Variants in FSTL4 observed in about 807,000 individuals in gnomAD.
FSTL4 encodes the protein follistatin like 4, also known as follistatin-related protein 4.
A neutral mutation model predicts 78.2 loss-of-function variants in FSTL4; 28 were observed. The observed-to-expected ratio is 0.36, with a 90% CI of 0.27 to 0.49. FSTL4 has a LOEUF of 0.49. FSTL4 is among the 20% of genes least tolerant of loss of function. The pLI is 0.98. For missense variants in FSTL4, 922 were observed against 1,084.9 expected, an observed-to-expected ratio of 0.85 and a Z score of 2.11; for synonymous variants, 422 against 440.5, an observed-to-expected ratio of 0.96 and a Z score of 0.53.
At chr5:133,514,270 A>T (rs1758808433) in intron 3 of FSTL4, among the ~76,000 whole-genome samples, 1 of 151,510 alleles carries the variant, frequency 6.6e-6, no homozygotes, top group Admixed American at 6.6e-5. Flanking sequence ...GAGAAGAGGA[A>T]CAGATGAAGA....
intron 6 of FSTL4, among the ~76,000 whole-genome samples, chr5:133,288,325 G>T (rs1174768703): frequency 6.6e-6 from 1 of 152,128 alleles, no homozygotes; most frequent in African/African-American, 2.4e-5. Flanking sequence ...CCTCTGTCCC[G>T]GGGGTCCCCC....
chr5:133,419,868 T>C (rs557776891), intron 3 of FSTL4, among the ~76,000 whole-genome samples: 1 of 152,360 alleles, frequency 6.6e-6, no homozygotes, highest in Admixed American at 6.5e-5. Context: ...CTGATGATCT[T>C]GAACATCTTT....
At chr5:133,756,811 G>T in the FSTL4 span, among the ~76,000 whole-genome samples, 2 of 152,070 alleles carry the variant, frequency 1.3e-5, no homozygotes, top group Non-Finnish European at 2.9e-5. Flanking sequence ...CACCATCCCT[G>T]GGGGGTTGTA....
At chr5:133,231,219 C>G (rs1448555052) in intron 8 of FSTL4, among the ~76,000 whole-genome samples, 1 of 151,920 alleles carries the variant, frequency 6.6e-6, no homozygotes, top group African/African-American at 2.4e-5. Flanking sequence ...CAGTTTCTCT[C>G]TCAACTATGC....
chr5:133,467,852 T>C (rs893282528), intron 3 of FSTL4, among the ~76,000 whole-genome samples: 2 of 152,212 alleles, frequency 1.3e-5, no homozygotes, highest in African/African-American at 4.8e-5. Context: ...CTAAAATGTT[T>C]CTTATACATT....
At chr5:133,570,115 T>C (rs1483772744) in intron 2 of FSTL4, among the ~76,000 whole-genome samples, 1 of 150,722 alleles carries the variant, frequency 6.6e-6, no homozygotes, top group Non-Finnish European at 1.5e-5. Flanking sequence ...AGTCTGAGGC[T>C]GGAGAATGGA....
chr5:133,204,820 G>A lies in FSTL4; in HGVS notation c.1717-2778C>T, dbSNP rs530517091. ...CACTGCACTCCAGCCTGGGTGCAGA[G>A]TGAGATTCTGTCTCAAAAAAAAAAA... On this transcript the variant is annotated intron_variant, in intron 14 of 15. Coordinates refer to ENST00000265342, the MANE Select transcript of FSTL4 (RefSeq NM_015082.2). Among the ~76,000 whole-genome samples the A allele has an allele frequency of 6.4e-5, 9 of 139,806 alleles. No individual in the cohort carries two copies. The South Asian group carries it at 2.2e-3, about 34-fold the overall frequency. 91.7% of individuals were successfully genotyped at this position (139,806 alleles called of 152,430 possible).
intron 4 of FSTL4, among the ~76,000 whole-genome samples, chr5:133,388,268 T>C (rs1755752839): frequency 6.6e-6 from 1 of 152,190 alleles, no homozygotes. Flanking sequence ...CAGCCAAGAG[T>C]ACACGGATGG....
chr5:133,414,950 G>GA (rs1438092883), intron 3 of FSTL4, among the ~76,000 whole-genome samples: 3 of 152,168 alleles, frequency 2.0e-5, no homozygotes, highest in Non-Finnish European at 4.4e-5. Flanking sequence ...TACAATGGAG[G>GA]AAAAAAATGG....
rs75029031 is a variant in FSTL4 at position 133,417,279 on chromosome 5, G to A, written c.161-16293C>T. Reference sequence around the variant, plus strand: ...AGCTGACTGGACATAGCAGAAAAAGGGATCAATGAATTCAAAGACAGGTCA... The same window carrying A: ...AGCTGACTGGACATAGCAGAAAAAGAGATCAATGAATTCAAAGACAGGTCA... On this transcript the variant is annotated intron_variant, in intron 3 of 15. Transcript: ENST00000265342. Among the ~76,000 whole-genome samples the A allele has an allele frequency of 1.4e-4, 22 of 151,934 alleles. No homozygotes were observed. The East Asian group carries it at 4.1e-3, about 28-fold the overall frequency.
the FSTL4 span, among the ~76,000 whole-genome samples, chr5:133,691,477 G>C: frequency 6.6e-6 from 1 of 152,048 alleles, no homozygotes. Context: ...TAAATTCTGA[G>C]CTGCCCAGAG....
chr5:133,408,498 T>C (rs1756412146), intron 3 of FSTL4, among the ~76,000 whole-genome samples: 2 of 136,768 alleles, frequency 1.5e-5, no homozygotes, highest in Admixed American at 1.6e-4. Context: ...GAGAAGGGGC[T>C]GGAGCCAGAG....
chr5:133,696,773 C>A, the FSTL4 span, among the ~76,000 whole-genome samples: 1 of 152,222 alleles, frequency 6.6e-6, no homozygotes, highest in South Asian at 2.1e-4. Context: ...CATGAAGACA[C>A]CCACAGCCTC....
At chr5:133,238,627 G>C (rs1751732911) in intron 7 of FSTL4, among the ~76,000 whole-genome samples, 1 of 152,162 alleles carries the variant, frequency 6.6e-6, no homozygotes, top group African/African-American at 2.4e-5. Context: ...GACACATGCA[G>C]TACATGCGAG....
At chr5:133,612,787 GC>G (rs1159065113), upstream of FSTL4, among the ~76,000 whole-genome samples, 1 of 152,104 alleles carries the variant, frequency 6.6e-6, no homozygotes, top group Non-Finnish European at 1.5e-5. This position sits in a 1 kb window ranked among gnomAD's most constrained non-coding sequence, Gnocchi z 6.2. Flanking sequence ...GCAAGTGACA[GC>G]CCCTCTTCAC....
chr5:133,755,208 G>T, the FSTL4 span, among the ~76,000 whole-genome samples: 3 of 152,178 alleles, frequency 2.0e-5, no homozygotes, highest in South Asian at 2.1e-4. Flanking sequence ...GGGCAATGCA[G>T]TTCCTTTTGG....
At chr5:133,728,512 C>T in the FSTL4 span, among the ~76,000 whole-genome samples, 2 of 152,220 alleles carry the variant, frequency 1.3e-5, no homozygotes, top group Non-Finnish European at 2.9e-5. Flanking sequence ...GGACTTCATG[C>T]TTCCTAAAGA....
At chr5:133,491,903 TTGAG>T (rs1432109890) in intron 3 of FSTL4, among the ~76,000 whole-genome samples, 2 of 152,114 alleles carry the variant, frequency 1.3e-5, no homozygotes, top group African/African-American at 4.8e-5. Flanking sequence ...CCAACTTAAT[TTGAG>T]TATTTATTTA....
chr5:133,373,095 A>G lies in FSTL4; in HGVS notation c.409+27643T>C, dbSNP rs913552180. 3.9e-5 allele frequency among the ~76,000 whole-genome samples: 6 copies of G among 152,306 alleles called. No homozygotes were observed. In the East Asian group the frequency reaches 9.7e-4, roughly 25 times the overall value. On this transcript the variant is annotated intron_variant, in intron 4 of 15. Coordinates refer to ENST00000265342, the MANE Select transcript of FSTL4 (RefSeq NM_015082.2). ...AGAGAGGATCTCTCTCTGCCATGTG[A>G]GCATGCAACAAAAAGGTGGCTAAGA...
Sources: gnomAD v4.1 joint callset for allele counts (sites outside exome capture counted in the v4.1 genomes callset) on GRCh38, gnomAD v4.1.1 for gene constraint, Gnocchi (gnomAD v3.1) non-coding constraint, MANE v1.5 for transcripts, NCBI Gene and HGNC (gene_info 2026-07-23, HGNC 2026-07-21) for gene names.